Variants in DNAH10 observed in about 807,000 individuals in gnomAD.
The protein encoded by DNAH10 is dynein axonemal heavy chain 10, also known as axonemal beta dynein heavy chain 10.
A neutral mutation model predicts 506.6 loss-of-function variants in DNAH10; 348 were observed. The ratio of observed to expected loss-of-function variants is 0.69; its 90% CI spans 0.63 to 0.75. DNAH10 has a LOEUF of 0.75. Among genes scored for constraint, DNAH10 ranks in the 30% least tolerant of loss-of-function variants. The pLI, the probability that DNAH10 is intolerant of heterozygous loss-of-function variation, is 0.00. For missense variants in DNAH10, 5,179 were observed against 5,787.1 expected, an observed-to-expected ratio of 0.89 and a Z score of 3.41; for synonymous variants, 2,059 against 2,198.6, an observed-to-expected ratio of 0.94 and a Z score of 1.78.
chr12:123,861,114 G>C lies in DNAH10; in HGVS notation c.6852G>C (p.Gly2284=). ...CAACCACCCGAGACTGGACAGATGG[G>C]GTGTTGTCAAACATCTTCAGGGAAA... ...LDPTTRDWTD[G]VLSNIFREIN... is the part of the protein sequence containing the mutation. The change falls in exon 39 of 79, where the codon GGG becomes GGC. Residue 2284 remains glycine, a synonymous_variant. Coordinates refer to ENST00000673944, the MANE Select transcript of DNAH10 (RefSeq NM_001372106.1). 6.2e-7 allele frequency: 1 copy of C among 1,613,866 alleles called. No homozygotes were observed. The highest frequency in any genetic ancestry group is 8.5e-7 in the Non-Finnish European group (1 of 1,179,882).
At chr12:123,933,575 C>T in intron 77 of DNAH10, 64 bp downstream of exon 77, 32 of 1,511,932 alleles carry the variant, frequency 2.1e-5, no homozygotes, top group Non-Finnish European at 2.8e-5. Flanking sequence ...GAACCACCTC[C>T]AACTCAAAGG....
Position 123,765,188 on chromosome 12 carries a change from G to A in DNAH10, c.215-2418G>A, listed in dbSNP as rs979438784. 2.6e-5 allele frequency among the ~76,000 whole-genome samples: 4 copies of A among 151,942 alleles called. No homozygotes were observed. The East Asian group carries it at 5.8e-4, about 22-fold the overall frequency. On this transcript the variant is annotated intron_variant, in intron 1 of 78. Coordinates refer to ENST00000673944, the MANE Select transcript of DNAH10 (RefSeq NM_001372106.1). ...TGGGGCAGGTGGTGGTAATAAAGGCGAGGTGTCCTTCCGGGCAGCAGATAC... is the reference window on the plus strand; with the variant it reads ...TGGGGCAGGTGGTGGTAATAAAGGCAAGGTGTCCTTCCGGGCAGCAGATAC...
At chr12:123,900,531 C>G (rs1189331085) in intron 56 of DNAH10, among the ~76,000 whole-genome samples, 2 of 152,222 alleles carry the variant, frequency 1.3e-5, no homozygotes, top group South Asian at 2.1e-4. Flanking sequence ...CCTCTCCTAC[C>G]TGTGCTTGTT....
chr12:123,798,342 G>T (rs565362680), intron 13 of DNAH10, among the ~76,000 whole-genome samples: 2 of 152,292 alleles, frequency 1.3e-5, no homozygotes, highest in African/African-American at 2.4e-5. Context: ...CCCAATCATG[G>T]TGGAAGGCAA....
intron 65 of DNAH10, chr12:123,923,443 C>T (rs370126474): frequency 3.2e-5 from 6 of 188,432 alleles, no homozygotes; most frequent in African/African-American, 9.3e-5. Context: ...AACCTGCCTT[C>T]AGTGGAGAGG....
At chr12:123,888,555 C>T (rs959316567) in intron 52 of DNAH10, among the ~76,000 whole-genome samples, 8 of 152,152 alleles carry the variant, frequency 5.3e-5, no homozygotes, top group African/African-American at 1.9e-4. Flanking sequence ...CACCTGGAGC[C>T]ACCAGAAGCC....
chr12:123,874,404 C>CA (rs956027793), intron 46 of DNAH10, among the ~76,000 whole-genome samples: 1 of 151,882 alleles, frequency 6.6e-6, no homozygotes, highest in African/African-American at 2.4e-5. Flanking sequence ...CCTATCTGTT[C>CA]ACCCATCCAA....
chr12:123,767,242 G>A (rs1361237195), intron 1 of DNAH10, among the ~76,000 whole-genome samples: 7 of 152,076 alleles, frequency 4.6e-5, no homozygotes, highest in South Asian at 4.1e-4. Flanking sequence ...ACATACACAC[G>A]GCCTGCAATT....
chr12:123,845,606 C>T lies in DNAH10; in HGVS notation c.5367C>T (p.Asp1789=), dbSNP rs1184276892. Residue 1789 remains aspartate, a synonymous_variant, in exon 31 of 79, where the codon GAC becomes GAT. Coordinates refer to ENST00000673944, the MANE Select transcript of DNAH10 (RefSeq NM_001372106.1). The stretch of plus-strand genomic sequence containing the variant: ...AGGTGTGCGTTTTCTGCAGAGTCGA[C>T]TGGATGCTCCTGTACCAGGGCATGG... ...FRYCEDRSRV[D]WMLLYQGMVV... 1 of 1,612,712 alleles carries T rather than the reference C, an allele frequency of 6.2e-7. No individual in the cohort carries two copies. Among genetic ancestry groups the T allele is most frequent in the Non-Finnish European group, 8.5e-7 (1 of 1,179,828 alleles).
chr12:123,844,701 C>A (rs140220992), intron 30 of DNAH10, among the ~76,000 whole-genome samples: 50 of 152,220 alleles, frequency 3.3e-4, no homozygotes, highest in African/African-American at 1.2e-3. Flanking sequence ...TACAGTGATG[C>A]GAGCTCGGCT....
intron 29 of DNAH10, among the ~76,000 whole-genome samples, chr12:123,839,906 C>T (rs367968316): frequency 3.3e-5 from 5 of 152,058 alleles, no homozygotes; most frequent in African/African-American, 1.2e-4. Flanking sequence ...TCCTGAATGG[C>T]GGGAAACAAC....
At chr12:123,882,778 T>G (rs754179887) in intron 51 of DNAH10, among the ~76,000 whole-genome samples, 1 of 106,998 alleles carries the variant, frequency 9.3e-6, no homozygotes, top group Non-Finnish European at 1.7e-5. Flanking sequence ...GGAGACAGAG[T>G]AAGACTCTGT....
intron 13 of DNAH10, among the ~76,000 whole-genome samples, chr12:123,798,644 A>G (rs897649548): frequency 2.0e-5 from 3 of 151,530 alleles, no homozygotes; most frequent in Admixed American, 6.6e-5. Context: ...GGGAAAATCT[A>G]TTGACTTCCT....
At chr12:123,806,181 C>T (rs1161565878) in intron 18 of DNAH10, among the ~76,000 whole-genome samples, 1 of 152,174 alleles carries the variant, frequency 6.6e-6, no homozygotes, top group African/African-American at 2.4e-5. Context: ...TTCCCTTTCA[C>T]GTTGGCTGCT....
At chr12:123,782,182 T>C (rs1241012422) in intron 6 of DNAH10, among the ~76,000 whole-genome samples, 1 of 152,134 alleles carries the variant, frequency 6.6e-6, no homozygotes, top group African/African-American at 2.4e-5. Flanking sequence ...TCAGCTATTA[T>C]ATTTTTAATT....
chr12:123,918,439 A>G (rs1219834311), intron 64 of DNAH10, among the ~76,000 whole-genome samples: 1 of 152,250 alleles, frequency 6.6e-6, no homozygotes, highest in East Asian at 1.9e-4. Context: ...GGGAGAGGGC[A>G]GTACCGGAGA....
At chr12:123,872,645 TA>T (rs145477166) in intron 45 of DNAH10, among the ~76,000 whole-genome samples, 1 of 145,768 alleles carries the variant, frequency 6.9e-6, no homozygotes, top group African/African-American at 2.7e-5. Flanking sequence ...GGAAACTTGT[TA>T]AAAAAATACC....
Position 123,929,680 on chromosome 12 carries a change from T to G in DNAH10, c.12533T>G (p.Leu4178Arg), listed in dbSNP as rs376071694. ...TCTTTCAAGGTCTGCATGGAAATTC[T>G]GAACACGTACTTAACGAAAGCCTTC... ...ESDFQVCMEI[L>R]NTYLTKAFQQ... Residue 4178 changes from leucine (L) to arginine (R), a missense_variant, in exon 72 of 79, where the codon CTG (leucine) becomes CGG (arginine). Coordinates refer to ENST00000673944, the MANE Select transcript of DNAH10 (RefSeq NM_001372106.1). 2 of 1,613,494 alleles carry G rather than the reference T, an allele frequency of 1.2e-6. No individual in the cohort carries two copies. The highest frequency in any genetic ancestry group is 1.7e-6 in the Non-Finnish European group (2 of 1,179,676).
chr12:123,784,762 T>C (rs1375954816), intron 8 of DNAH10, among the ~76,000 whole-genome samples: 1 of 152,202 alleles, frequency 6.6e-6, no homozygotes, highest in Non-Finnish European at 1.5e-5. Flanking sequence ...AAGTCCCTGG[T>C]AACTTCTGTT....
Sources: allele counts gnomAD v4.1 joint callset (sites outside exome capture counted in the v4.1 genomes callset), GRCh38; gene constraint gnomAD v4.1.1; transcripts MANE v1.5; gene names NCBI Gene and HGNC (gene_info 2026-07-23, HGNC 2026-07-21).